CDC42BPB: variants seen among roughly 807,000 people sequenced by gnomAD.
The protein encoded by CDC42BPB is serine/threonine-protein kinase MRCK beta.
In CDC42BPB, 37 loss-of-function variants were observed where a neutral mutation model predicts 214.9. The observed-to-expected ratio is 0.17, with a 90% CI of 0.13 to 0.23. CDC42BPB has a LOEUF of 0.23. Ranked by LOEUF, CDC42BPB falls within the 10% of genes least tolerant of loss-of-function variation. The pLI is 1.00. For missense variants in CDC42BPB, 1,694 were observed against 2,227.0 expected (o/e 0.76, Z 4.82); for synonymous variants, 931 against 884.0 (o/e 1.05, Z -0.94).
At chr14:103,032,219 C>G (rs557230545) in intron 1 of CDC42BPB, among the ~76,000 whole-genome samples, 1 of 152,178 alleles carries the variant, frequency 6.6e-6, no homozygotes, top group Admixed American at 6.5e-5. Context: ...CCACGAGGAC[C>G]AAGGAGAAGG....
chr14:103,033,910 A>G (rs779527899), intron 1 of CDC42BPB, among the ~76,000 whole-genome samples: 2 of 152,186 alleles, frequency 1.3e-5, no homozygotes, highest in African/African-American at 2.4e-5. Context: ...TGTATTTGCC[A>G]TGAGTACGTT....
At chr14:103,050,917 T>A (rs1171823855) in intron 1 of CDC42BPB, among the ~76,000 whole-genome samples, 2 of 152,140 alleles carry the variant, frequency 1.3e-5, no homozygotes, top group African/African-American at 4.8e-5. Context: ...TTGAATGAAA[T>A]TATATCATTC....
chr14:103,050,692 G>A (rs557638449), intron 1 of CDC42BPB, among the ~76,000 whole-genome samples: 6 of 152,222 alleles, frequency 3.9e-5, no homozygotes, highest in Admixed American at 2.6e-4. Flanking sequence ...GGGAAGTCAA[G>A]GCTGCAGTGA....
rs141912309 is a variant in CDC42BPB, at chr14:102,944,378, C to T, written c.3921G>A (p.Pro1307=). ...CTTCCGCTCCATCAAGGGACGACCA[C>T]GGATAGAGGTGCACATGGTGGTTCC... is the stretch of plus-strand genomic sequence containing the variant. ...CGRNHHVHLY[P]WSSLDGAEGS... The change falls in exon 30 of 37, where the codon CCG becomes CCA. Residue 1307 remains proline (P), a synonymous_variant. Coordinates refer to ENST00000361246, the MANE Select transcript of CDC42BPB (RefSeq NM_006035.4). The surrounding 1 kb of genome is among the most constrained non-coding windows in gnomAD (Gnocchi z 6.6). 3.1e-4 allele frequency: 501 copies of T among 1,613,152 alleles called. 2 individuals carry two copies. Among genetic ancestry groups the T allele is most frequent in the Non-Finnish European group, 4.0e-4 (468 of 1,180,016 alleles).
chr14:102,946,834 C>T (rs959452750), intron 27 of CDC42BPB, 150 bp from the exon 28 acceptor site: 19 of 1,446,590 alleles, frequency 1.3e-5, no homozygotes, highest in South Asian at 5.8e-5. Flanking sequence ...CCTCGCTGGG[C>T]GCCTTGCAGA....
At chr14:103,056,562 G>A (rs1026262063) in intron 1 of CDC42BPB, among the ~76,000 whole-genome samples, 3 of 151,690 alleles carry the variant, frequency 2.0e-5, no homozygotes, top group African/African-American at 7.3e-5. Context: ...CCAAAGGCGA[G>A]GTGCGGGGGC....
At chr14:102,962,980 T>C (rs1435206255) in intron 20 of CDC42BPB, 81 bp downstream of exon 20, 2 of 703,612 alleles carry the variant, frequency 2.8e-6, no homozygotes, top group Admixed American at 2.6e-5. Context: ...AAAGTAACTA[T>C]TAAGTCGAAA....
At chr14:103,046,905 C>T (rs1362038947) in intron 1 of CDC42BPB, among the ~76,000 whole-genome samples, 1 of 151,968 alleles carries the variant, frequency 6.6e-6, no homozygotes, top group Non-Finnish European at 1.5e-5. Flanking sequence ...CCTGCCTCGG[C>T]CTCCCAAAGT....
chr14:102,971,822 C>T, intron 13 of CDC42BPB, 97 bp downstream of exon 13: 1 of 1,292,078 alleles, frequency 7.7e-7, no homozygotes, highest in Non-Finnish European at 1.1e-6. Context: ...AATTTCTGAC[C>T]CCTTTTACAG....
In CDC42BPB at chr14:103,053,473, A is replaced by G. The variant is rs538277288; in HGVS notation, c.175+3526T>C. On this transcript the variant is annotated intron_variant, in intron 1 of 36. Coordinates refer to ENST00000361246, the MANE Select transcript of CDC42BPB (RefSeq NM_006035.4). ...ACAAAAACCTACAATGAAAGTTGAA[A>G]TGACTCGGCCAGGCACGGTGGCTCA... Among the ~76,000 whole-genome samples, 20 of 151,918 alleles carry G rather than the reference A, an allele frequency of 1.3e-4. No homozygotes were observed. In the South Asian group the frequency reaches 2.7e-3, roughly 21 times the overall value.
intron 1 of CDC42BPB, among the ~76,000 whole-genome samples, chr14:103,039,708 A>C (rs1887876143): frequency 6.6e-6 from 1 of 152,198 alleles, no homozygotes; most frequent in African/African-American, 2.4e-5. Context: ...GATCAGAAGA[A>C]AGACAAGAAT....
At chr14:103,002,858 C>G (rs1039511903) in intron 4 of CDC42BPB, among the ~76,000 whole-genome samples, 1 of 152,198 alleles carries the variant, frequency 6.6e-6, no homozygotes, top group Non-Finnish European at 1.5e-5. Context: ...GCCCCCTCTG[C>G]TGGGCAAACA....
intron 1 of CDC42BPB, among the ~76,000 whole-genome samples, chr14:103,013,343 A>C (rs1199012917): frequency 2.0e-5 from 3 of 152,178 alleles, no homozygotes; most frequent in Non-Finnish European, 2.9e-5. Context: ...AATGTCCACC[A>C]GTCAGGCACC....
rs1485187457 is a variant in CDC42BPB at position 102,932,880 on chromosome 14, G to C, written c.*832C>G. 1 of 130,568 alleles carries C rather than the reference G, an allele frequency of 7.7e-6. No homozygotes were observed. The highest frequency in any genetic ancestry group is 1.6e-5 in the Non-Finnish European group (1 of 61,012). 8.1% of individuals were successfully genotyped at this position (130,568 alleles called of 1,614,324 possible). Reference sequence around the variant, plus strand: ...CCATGCGGGGGCAGGACTGGTGGGGGGGGGGGCGGGCAGGGCGGGGCGGGG... The same window carrying C: ...CCATGCGGGGGCAGGACTGGTGGGGCGGGGGGCGGGCAGGGCGGGGCGGGG... On this transcript the variant is annotated 3_prime_UTR_variant, in exon 37 of 37. Coordinates refer to ENST00000361246, the MANE Select transcript of CDC42BPB (RefSeq NM_006035.4).
rs202026444 is a variant in CDC42BPB, at chr14:102,945,689, G to C, written c.3784C>G (p.Leu1262Val). The change falls in exon 29 of 37, where the codon CTC becomes GTC. Residue 1262 changes from leucine (L) to valine (V), a missense_variant. Transcript: ENST00000361246. ...TCTCGGGTGACCTCTATGACATAGA[G>C]CCCTTCTTCTAGGCCGACTGCAATC... The part of the protein sequence containing the change: ...DRIAVGLEEG[L>V]YVIEVTRDVI... 1.2e-6 allele frequency: 2 copies of C among 1,612,908 alleles called. No homozygotes were observed. Among genetic ancestry groups the C allele is most frequent in the South Asian group, 2.2e-5 (2 of 91,080 alleles).
chr14:103,033,648 A>T (rs1887514482), intron 1 of CDC42BPB, among the ~76,000 whole-genome samples: 1 of 152,134 alleles, frequency 6.6e-6, no homozygotes, highest in Non-Finnish European at 1.5e-5. Flanking sequence ...CATATAAAAA[A>T]CTCAAGAGAC....
intron 21 of CDC42BPB, among the ~76,000 whole-genome samples, chr14:102,957,334 C>T (rs1238915563): frequency 6.6e-6 from 1 of 152,158 alleles, no homozygotes; most frequent in African/African-American, 2.4e-5. Context: ...CTGTGACTCA[C>T]ACACTCATGG....
intron 22 of CDC42BPB, 147 bp from the exon 23 acceptor site, chr14:102,954,422 A>G: frequency 1.4e-6 from 2 of 1,442,208 alleles, no homozygotes; most frequent in Non-Finnish European, 9.1e-7. Flanking sequence ...CATCTGCGGA[A>G]GCCTCCCTCA....
chr14:102,952,407 G>A (rs775112920), intron 24 of CDC42BPB, 91 bp downstream of exon 24: 4 of 745,726 alleles, frequency 5.4e-6, no homozygotes, highest in Admixed American at 2.5e-5. Context: ...TGGTTTGCTT[G>A]CATCAGGGCT....
Sources: allele counts gnomAD v4.1 joint callset (sites outside exome capture counted in the v4.1 genomes callset), GRCh38; gene constraint gnomAD v4.1.1; non-coding constraint Gnocchi (gnomAD v3.1); transcripts MANE v1.5; gene names NCBI Gene and HGNC (gene_info 2026-07-23, HGNC 2026-07-21).